Variants in TNR observed in about 807,000 individuals in gnomAD.
TNR encodes tenascin-R.
TNR carries 45 observed loss-of-function variants against 150.4 expected under a neutral mutation model. The ratio of observed to expected loss-of-function variants is 0.30; its 90% CI spans 0.24 to 0.38. TNR has a LOEUF of 0.38. TNR is among the 10% of genes least tolerant of loss of function. TNR has a pLI of 1.00. For missense variants in TNR, 1,544 were observed against 1,759.1 expected, an observed-to-expected ratio of 0.88 and a Z score of 2.19; for synonymous variants, 687 against 678.4, an observed-to-expected ratio of 1.01 and a Z score of -0.20.
At chr1:175,684,219 C>T (rs1431346218) in intron 1 of TNR, among the ~76,000 whole-genome samples, 1 of 152,194 alleles carries the variant, frequency 6.6e-6, no homozygotes, top group Non-Finnish European at 1.5e-5. Flanking sequence ...TGAAGCCACT[C>T]ATCTGTTCGT....
At chr1:175,358,740 C>T (rs1042922909) in intron 15 of TNR, among the ~76,000 whole-genome samples, 4 of 152,186 alleles carry the variant, frequency 2.6e-5, no homozygotes, top group Non-Finnish European at 4.4e-5. Flanking sequence ...TTCTGTTCAA[C>T]TTCAAATGGT....
intron 1 of TNR, among the ~76,000 whole-genome samples, chr1:175,720,911 T>G (rs1667281294): frequency 6.6e-6 from 1 of 152,214 alleles, no homozygotes; most frequent in Non-Finnish European, 1.5e-5. Flanking sequence ...TCCCACCTTT[T>G]CCATGAAGAC....
intron 18 of TNR, among the ~76,000 whole-genome samples, chr1:175,343,358 T>G (rs1650620350): frequency 6.6e-6 from 1 of 152,146 alleles, no homozygotes; most frequent in Non-Finnish European, 1.5e-5. Flanking sequence ...GGAATGCTCT[T>G]CTTTGTGGAT....
At chr1:175,429,621 C>A (rs1320706658) in intron 2 of TNR, among the ~76,000 whole-genome samples, 1 of 152,198 alleles carries the variant, frequency 6.6e-6, no homozygotes, top group South Asian at 2.1e-4. Context: ...AAAGGGCCTT[C>A]TTTTAAATAG....
At chr1:175,386,716 C>T (rs1652953734) in intron 7 of TNR, among the ~76,000 whole-genome samples, 1 of 152,266 alleles carries the variant, frequency 6.6e-6, no homozygotes, top group African/African-American at 2.4e-5. Context: ...AGGAAATGAC[C>T]AGCCCACCTA....
chr1:175,513,868 T>G (rs542224698), intron 2 of TNR, among the ~76,000 whole-genome samples: 58 of 152,086 alleles, frequency 3.8e-4, no homozygotes, highest in Non-Finnish European at 4.6e-4. Flanking sequence ...CGCGGAAAAT[T>G]TGTGAAAATG....
chr1:175,438,552 TA>T (rs1655624413), intron 2 of TNR, among the ~76,000 whole-genome samples: 1 of 152,030 alleles, frequency 6.6e-6, no homozygotes, highest in South Asian at 2.1e-4. Context: ...GAGAAGGAAA[TA>T]AAGGGCATTC....
Position 175,320,617 on chromosome 1 carries a change from CACCCAGGTA to C in TNR, c.*2731_*2739del, listed in dbSNP as rs1455612265. 1 of 151,960 alleles carries C rather than the reference CACCCAGGTA, an allele frequency of 6.6e-6. No homozygotes were observed. The highest frequency in any genetic ancestry group is 1.5e-5 in the Non-Finnish European group (1 of 68,016). The allele number at this position is 151,960 out of a possible 1,614,324, so 9.4% of individuals were successfully genotyped here. On this transcript the variant is annotated 3_prime_UTR_variant, in exon 23 of 23. Transcript: ENST00000367674. ...CTTGATGAAGTGGGCGTGCTGGCAC[CACCCAGGTA>C]CCTGGTCTCTGTTTTTATGGACAAA... is the stretch of plus-strand genomic sequence containing the variant.
At chr1:175,353,988 G>C (rs549164330) in intron 18 of TNR, among the ~76,000 whole-genome samples, 4 of 152,014 alleles carry the variant, frequency 2.6e-5, no homozygotes, top group Non-Finnish European at 5.9e-5. Context: ...TGGGATTACA[G>C]GCACACACCA....
chr1:175,537,895 G>A lies in TNR; in HGVS notation c.-164-9526C>T, dbSNP rs547396493. Among the ~76,000 whole-genome samples, 20 of 152,302 alleles carry A rather than the reference G, an allele frequency of 1.3e-4. No individual in the cohort carries two copies. The East Asian group carries it at 1.9e-3, about 15-fold the overall frequency. On this transcript the variant is annotated intron_variant, in intron 1 of 22. Coordinates refer to ENST00000367674, the MANE Select transcript of TNR (RefSeq NM_003285.3). ...TGGTGCAGAACTGGTGGTGGGGGGCGGTTCCAGTCAAACAGGAAGTGGATC... is the reference window on the plus strand; with the variant it reads ...TGGTGCAGAACTGGTGGTGGGGGGCAGTTCCAGTCAAACAGGAAGTGGATC...
intron 1 of TNR, among the ~76,000 whole-genome samples, chr1:175,628,548 T>C (rs1401820536): frequency 6.6e-6 from 1 of 151,998 alleles, no homozygotes; most frequent in Non-Finnish European, 1.5e-5. Flanking sequence ...GAATGGCACC[T>C]TTTTTTGCGC....
chr1:175,523,886 A>T (rs994539448), intron 2 of TNR, among the ~76,000 whole-genome samples: 2 of 151,598 alleles, frequency 1.3e-5, no homozygotes, highest in Admixed American at 1.3e-4. Flanking sequence ...AAGCCTCAAT[A>T]CTCCTTGCCT....
At chr1:175,396,475 T>A (rs1337409335) in intron 5 of TNR, 69 bp downstream of exon 5, 5 of 1,540,858 alleles carry the variant, frequency 3.2e-6, no homozygotes, top group Non-Finnish European at 4.4e-6. Flanking sequence ...AAGACGCTAC[T>A]ATCATGAATG....
intron 1 of TNR, among the ~76,000 whole-genome samples, chr1:175,682,705 C>T (rs1248968285): frequency 2.0e-5 from 3 of 152,054 alleles, no homozygotes; most frequent in Admixed American, 1.3e-4. Flanking sequence ...CTTCCTGCCT[C>T]GGTCATGGAC....
At chr1:175,619,999 C>T (rs1453808374) in intron 1 of TNR, among the ~76,000 whole-genome samples, 1 of 152,156 alleles carries the variant, frequency 6.6e-6, no homozygotes, top group African/African-American at 2.4e-5. Flanking sequence ...ACCTACCTCA[C>T]CAATTAAATG....
At chr1:175,612,690 C>G (rs1558037171) in intron 1 of TNR, among the ~76,000 whole-genome samples, 1 of 152,132 alleles carries the variant, frequency 6.6e-6, no homozygotes, top group Non-Finnish European at 1.5e-5. Flanking sequence ...TATCCTTAAT[C>G]TTTCTGTGAT....
intron 18 of TNR, among the ~76,000 whole-genome samples, chr1:175,346,015 A>C (rs1650763601): frequency 1.3e-5 from 2 of 152,248 alleles, no homozygotes; most frequent in Admixed American, 1.3e-4. Context: ...TGAGAAGATA[A>C]TGGAATAGTA....
intron 13 of TNR, 72 bp from the exon 14 acceptor site, chr1:175,362,881 G>A: frequency 2.5e-6 from 4 of 1,583,428 alleles, no homozygotes; most frequent in Non-Finnish European, 3.5e-6. Context: ...TACAGTCTAT[G>A]TCAATAAAGC....
At chr1:175,437,124 G>A (rs1655549817) in intron 2 of TNR, among the ~76,000 whole-genome samples, 1 of 152,170 alleles carries the variant, frequency 6.6e-6, no homozygotes, top group Non-Finnish European at 1.5e-5. Flanking sequence ...CACATAGTTG[G>A]AAGTAAAGCA....
Sources: gnomAD v4.1 joint callset for allele counts (sites outside exome capture counted in the v4.1 genomes callset) on GRCh38, gnomAD v4.1.1 for gene constraint, MANE v1.5 for transcripts, NCBI Gene and HGNC (gene_info 2026-07-23, HGNC 2026-07-21) for gene names.